Variants in FARS2 observed in about 807,000 individuals in gnomAD.
The protein encoded by FARS2 is phenylalanyl-tRNA synthetase 2, mitochondrial.
FARS2 carries 40 observed loss-of-function variants against 46.4 expected under a neutral mutation model. The observed-to-expected ratio is 0.86, with a 90% CI of 0.67 to 1.12. FARS2 has a LOEUF of 1.12. FARS2 is among the 50% of genes most tolerant of loss of function. FARS2 has a pLI of 0.00. For missense variants in FARS2, 513 were observed against 567.9 expected (o/e 0.90, Z 0.98); for synonymous variants, 234 against 214.9 (o/e 1.09, Z -0.78).
At chr6:5,710,541 C>T (rs75635669) in intron 6 of FARS2, among the ~76,000 whole-genome samples, 2,182 of 152,184 alleles carry the variant, frequency 0.014, 52 homozygotes, top group African/African-American at 0.05. Context: ...GTGAGCCCTG[C>T]GGCTTCCCCC....
At chr6:5,401,987 C>A (rs1196471147) in intron 2 of FARS2, among the ~76,000 whole-genome samples, 2 of 148,092 alleles carry the variant, frequency 1.4e-5, no homozygotes, top group Non-Finnish European at 3.0e-5. Context: ...GGTATTAGTT[C>A]TGCTCCATTG....
chr6:5,339,700 G>C (rs1173835723), intron 1 of FARS2, among the ~76,000 whole-genome samples: 3 of 152,144 alleles, frequency 2.0e-5, no homozygotes, highest in Non-Finnish European at 4.4e-5. Flanking sequence ...CTGCCACAGT[G>C]GTGGGATTAC....
At chr6:5,261,810 T>C (rs1257534338) in intron 1 of FARS2, 150 bp downstream of exon 1, 1 of 152,264 alleles carries the variant, frequency 6.6e-6, no homozygotes, top group South Asian at 2.1e-4. Flanking sequence ...AATAAATGCA[T>C]AAAATGCAGC....
chr6:5,710,428 C>T (rs1424664043), intron 6 of FARS2, among the ~76,000 whole-genome samples: 5 of 152,220 alleles, frequency 3.3e-5, no homozygotes. Flanking sequence ...ACCTTCCCAT[C>T]TTAAACAACT....
intron 1 of FARS2, among the ~76,000 whole-genome samples, chr6:5,280,501 T>C (rs1766644827): frequency 6.6e-6 from 1 of 152,226 alleles, no homozygotes; most frequent in East Asian, 1.9e-4. Context: ...TTAAATGCTT[T>C]GCTTGGTGTT....
chr6:5,578,576 G>A (rs1467834102), intron 5 of FARS2, among the ~76,000 whole-genome samples: 1 of 151,968 alleles, frequency 6.6e-6, no homozygotes, highest in African/African-American at 2.4e-5. Flanking sequence ...TTGGGAGGCC[G>A]AGTTGGGCAG....
At chr6:5,327,672 C>T (rs1289869006) in intron 1 of FARS2, among the ~76,000 whole-genome samples, 2 of 152,134 alleles carry the variant, frequency 1.3e-5, no homozygotes, top group Admixed American at 6.5e-5. Context: ...TATAAATTAC[C>T]CAATCTCGGG....
intron 1 of FARS2, among the ~76,000 whole-genome samples, chr6:5,351,283 A>G (rs922182195): frequency 6.6e-5 from 10 of 152,234 alleles, no homozygotes; most frequent in African/African-American, 1.9e-4. Context: ...GATTTAATGC[A>G]TGAATACTTG....
chr6:5,463,027 G>A (rs1255266889), intron 4 of FARS2, among the ~76,000 whole-genome samples: 3 of 152,126 alleles, frequency 2.0e-5, no homozygotes, highest in African/African-American at 4.8e-5. Context: ...TATTCAACTC[G>A]GCTATTGTGG....
At chr6:5,393,400 T>TA (rs1385489082) in intron 2 of FARS2, among the ~76,000 whole-genome samples, 1 of 152,094 alleles carries the variant, frequency 6.6e-6, no homozygotes, top group East Asian at 1.9e-4. Flanking sequence ...CTAACGCCTG[T>TA]AATCCCAGCT....
chr6:5,299,382 G>A (rs748084131), intron 1 of FARS2, among the ~76,000 whole-genome samples: 9 of 152,108 alleles, frequency 5.9e-5, no homozygotes, highest in Middle Eastern at 3.2e-3. Flanking sequence ...AGGGTTTTTT[G>A]GTTTCAAGGA....
intron 6 of FARS2, among the ~76,000 whole-genome samples, chr6:5,728,969 G>A (rs981415941): frequency 5.9e-5 from 9 of 152,170 alleles, no homozygotes; most frequent in African/African-American, 2.2e-4. Context: ...GCACTGGCTG[G>A]TGTGCTCTTG....
intron 4 of FARS2, among the ~76,000 whole-genome samples, chr6:5,490,469 T>A (rs1026063389): frequency 6.6e-6 from 1 of 152,192 alleles, no homozygotes; most frequent in Admixed American, 6.5e-5. Flanking sequence ...AAAATATTGT[T>A]AATAGTATTT....
At chr6:5,272,720 A>G (rs193276908) in intron 1 of FARS2, among the ~76,000 whole-genome samples, 1 of 152,274 alleles carries the variant, frequency 6.6e-6, no homozygotes, top group Admixed American at 6.5e-5. Context: ...ATTATAATCT[A>G]TAGTCTCCCG....
intron 6 of FARS2, among the ~76,000 whole-genome samples, chr6:5,676,218 C>T (rs1178435518): frequency 6.6e-6 from 1 of 152,206 alleles, no homozygotes; most frequent in African/African-American, 2.4e-5. Flanking sequence ...AGGAAACACA[C>T]TTGAACCGAG....
At chr6:5,670,330 A>G (rs920794355) in intron 6 of FARS2, among the ~76,000 whole-genome samples, 1 of 152,228 alleles carries the variant, frequency 6.6e-6, no homozygotes, top group Non-Finnish European at 1.5e-5. Flanking sequence ...ATCATTGTGG[A>G]TATCACAATT....
chr6:5,527,376 C>T (rs533730068), intron 4 of FARS2, among the ~76,000 whole-genome samples: 3 of 152,316 alleles, frequency 2.0e-5, no homozygotes, highest in African/African-American at 4.8e-5. Flanking sequence ...CTATTCTTTC[C>T]GAAAGACTTA....
chr6:5,463,604 G>T (rs1055071143), intron 4 of FARS2, among the ~76,000 whole-genome samples: 1 of 152,064 alleles, frequency 6.6e-6, no homozygotes, highest in Non-Finnish European at 1.5e-5. Flanking sequence ...ACAATAATAG[G>T]TGTGTTAAAA....
chr6:5,365,490 C>A (rs1229513931), intron 1 of FARS2, among the ~76,000 whole-genome samples: 1 of 148,502 alleles, frequency 6.7e-6, no homozygotes, highest in East Asian at 2.0e-4. Context: ...CCACCATACC[C>A]GGCTAATTTA....
Sources: gnomAD v4.1 joint callset for allele counts (sites outside exome capture counted in the v4.1 genomes callset) on GRCh38, gnomAD v4.1.1 for gene constraint, MANE v1.5 for transcripts, NCBI Gene and HGNC (gene_info 2026-07-23, HGNC 2026-07-21) for gene names.